The following PRKCZ variants were observed in gnomAD, a reference collection of about 807,000 sequenced individuals.
PRKCZ encodes the protein protein kinase C zeta type.
Under a neutral mutation model 79.5 loss-of-function variants are expected in PRKCZ, and 33 were observed. That is an observed-to-expected ratio of 0.41 (90% CI 0.31 to 0.55). The LOEUF (loss-of-function observed/expected upper bound fraction) is 0.55. Ranked by LOEUF, PRKCZ falls within the 20% of genes least tolerant of loss-of-function variation. PRKCZ has a pLI of 0.19. For missense variants in PRKCZ, 578 were observed against 813.5 expected (o/e 0.71, Z 3.52); for synonymous variants, 342 against 320.9 (o/e 1.07, Z -0.70).
Position 2,059,472 on chromosome 1 carries a change from C to A in PRKCZ, c.284-69C>A, listed in dbSNP as rs1660472927. The A allele has an allele frequency of 2.5e-6, 4 of 1,580,978 alleles. No homozygotes were observed. The South Asian group carries it at 4.4e-5, about 18-fold the overall frequency. On this transcript the variant is annotated intron_variant, in intron 3 of 17. Transcript: ENST00000378567. Reference sequence around the variant, plus strand: ...CGTGCTCAGCCTGACTGAGGCGGGACTTCCTCCGTGAGACTGTTGAGTGGC... The same window carrying A: ...CGTGCTCAGCCTGACTGAGGCGGGAATTCCTCCGTGAGACTGTTGAGTGGC...
At chr1:2,071,476 C>G (rs1236826220) in intron 4 of PRKCZ, 1 of 205,014 alleles carries the variant, frequency 4.9e-6, no homozygotes, top group Non-Finnish European at 1.1e-5. Flanking sequence ...CAACGGATGC[C>G]TGTGATTCCC....
chr1:2,098,884 T>C (rs933274517), intron 4 of PRKCZ, among the ~76,000 whole-genome samples: 3 of 152,152 alleles, frequency 2.0e-5, no homozygotes, highest in African/African-American at 7.2e-5. Context: ...GGTTTCACCA[T>C]GTTAGCCAGG....
chr1:2,114,169 G>T (rs1252217320), intron 4 of PRKCZ, among the ~76,000 whole-genome samples: 1 of 137,398 alleles, frequency 7.3e-6, no homozygotes, highest in African/African-American at 2.7e-5. Context: ...CCAGGAGGAC[G>T]CTCCGTCGTG....
At chr1:2,144,152 G>A in intron 5 of PRKCZ, 58 bp from the exon 6 acceptor site, 1 of 1,538,016 alleles carries the variant, frequency 6.5e-7, no homozygotes, top group South Asian at 1.2e-5. Context: ...GGCCCTGCCT[G>A]TCCTCTCCGC....
chr1:2,117,874 T>A (rs1464286292), intron 4 of PRKCZ, among the ~76,000 whole-genome samples: 1 of 152,174 alleles, frequency 6.6e-6, no homozygotes, highest in African/African-American at 2.4e-5. Context: ...CCGATGGCAT[T>A]CCTGTAGTGT....
intron 9 of PRKCZ, among the ~76,000 whole-genome samples, chr1:2,155,346 GTGGTGATGACGGTGATGA>G (rs968261391): frequency 1.4e-4 from 22 of 151,836 alleles, no homozygotes; most frequent in Admixed American, 2.6e-4. Context: ...GATGACAATG[GTGGTGATGACGGTGATGA>G]TGGTGATGAC....
intron 4 of PRKCZ, among the ~76,000 whole-genome samples, chr1:2,064,752 C>T (rs148002142): frequency 6.6e-6 from 1 of 152,298 alleles, no homozygotes; most frequent in East Asian, 1.9e-4. Flanking sequence ...CTGTTTTGAT[C>T]ACTGTAGCTT....
intron 4 of PRKCZ, among the ~76,000 whole-genome samples, chr1:2,061,495 C>G (rs997692248): frequency 6.6e-6 from 1 of 152,124 alleles, no homozygotes; most frequent in African/African-American, 2.4e-5. Context: ...GTGGGGAATG[C>G]GGAGAATGTG....
intron 5 of PRKCZ, among the ~76,000 whole-genome samples, chr1:2,136,653 A>C (rs1360670897): frequency 1.3e-5 from 2 of 152,130 alleles, no homozygotes; most frequent in African/African-American, 4.8e-5. Flanking sequence ...AGTTTGGCTC[A>C]GGCTGGGACT....
chr1:2,146,877 C>T (rs1264249784), intron 7 of PRKCZ, among the ~76,000 whole-genome samples: 5 of 152,102 alleles, frequency 3.3e-5, no homozygotes, highest in Admixed American at 1.3e-4. Flanking sequence ...GATATTCATC[C>T]GTACATCATC....
At position 2,174,476 on chromosome 1, in the gene PRKCZ, C is replaced by A. The variant is rs947514077; in HGVS notation, c.1406-278C>A. 6.6e-5 allele frequency among the ~76,000 whole-genome samples: 10 copies of A among 152,246 alleles called. No individual in the cohort carries two copies. Among genetic ancestry groups the A allele is most frequent in the African/African-American group, 1.2e-4 (5 of 41,464 alleles). On this transcript the variant is annotated intron_variant, in intron 14 of 17. Transcript: ENST00000378567. The surrounding 1 kb of genome is among the most constrained non-coding windows in gnomAD (Gnocchi z 6.2). Reference sequence around the variant, plus strand: ...CTCCGCGGTGCCCTCTGGTGGCCAGCCTGCAGAGGCACCCGTGTACCTGCG... The same window carrying A: ...CTCCGCGGTGCCCTCTGGTGGCCAGACTGCAGAGGCACCCGTGTACCTGCG...
Position 2,164,614 on chromosome 1 carries a change from G to A in PRKCZ, c.975-4904G>A, listed in dbSNP as rs77867662. On this transcript the variant is annotated intron_variant, in intron 10 of 17. Transcript: ENST00000378567. ...CCAGCTTAGATCCAGAATGGATGCC[G>A]AGGCAGCCTAAAACCATGAGCGTTC... 5.7e-4 allele frequency among the ~76,000 whole-genome samples: 87 copies of A among 152,342 alleles called. 1 individual carries two copies. The East Asian group carries it at 0.013, about 24-fold the overall frequency.
intron 10 of PRKCZ, among the ~76,000 whole-genome samples, chr1:2,163,058 C>G (rs963997803): frequency 6.6e-6 from 1 of 152,194 alleles, no homozygotes; most frequent in African/African-American, 2.4e-5. Flanking sequence ...GCAACCAGGT[C>G]GTGCCGTCTC....
intron 4 of PRKCZ, among the ~76,000 whole-genome samples, chr1:2,076,886 CG>C (rs1380519620): frequency 1.3e-5 from 2 of 152,180 alleles, no homozygotes; most frequent in Non-Finnish European, 1.5e-5. Context: ...CTCCACGCAT[CG>C]GGGCCCGGCA....
chr1:2,078,681 T>A (rs1571207553), intron 4 of PRKCZ, among the ~76,000 whole-genome samples: 2 of 152,302 alleles, frequency 1.3e-5, no homozygotes, highest in African/African-American at 2.4e-5. Flanking sequence ...TTGTTGGCCC[T>A]CCCAGGCTGG....
chr1:2,079,854 G>A (rs1432125310), intron 4 of PRKCZ, among the ~76,000 whole-genome samples: 9 of 152,238 alleles, frequency 5.9e-5, no homozygotes, highest in Admixed American at 5.9e-4. Flanking sequence ...CACAGAGCTG[G>A]TGGTGGCGGA....
At chr1:2,104,787 G>GC in intron 4 of PRKCZ, 1 of 986,036 alleles carries the variant, frequency 1.0e-6, no homozygotes, top group Non-Finnish European at 1.2e-6. Context: ...GCCCCCCGGG[G>GC]CCGAGCACGA....
At chr1:2,052,541 C>G (rs1353512338) in intron 1 of PRKCZ, among the ~76,000 whole-genome samples, 1 of 151,930 alleles carries the variant, frequency 6.6e-6, no homozygotes, top group Admixed American at 6.6e-5. Flanking sequence ...GCACGTCTCC[C>G]CTCTGGCTCT....
chr1:2,087,785 C>T (rs1281244186), intron 4 of PRKCZ, among the ~76,000 whole-genome samples: 2 of 152,214 alleles, frequency 1.3e-5, no homozygotes, highest in East Asian at 3.9e-4. Flanking sequence ...CGGGTACCCA[C>T]TAACAGAAAA....
Sources: gnomAD v4.1 joint callset for allele counts (sites outside exome capture counted in the v4.1 genomes callset) on GRCh38, gnomAD v4.1.1 for gene constraint, Gnocchi (gnomAD v3.1) non-coding constraint, MANE v1.5 for transcripts, NCBI Gene and HGNC (gene_info 2026-07-23, HGNC 2026-07-21) for gene names.